Variants in LARGE1 observed in about 807,000 individuals in gnomAD.
LARGE1 encodes the protein xylosyl- and glucuronyltransferase LARGE1.
In LARGE1, 43 loss-of-function variants were observed where a neutral mutation model predicts 87.6. The observed-to-expected ratio is 0.49, with a 90% CI of 0.38 to 0.63. The LOEUF is 0.63. Ranked by LOEUF, LARGE1 falls within the 30% of genes least tolerant of loss-of-function variation. The pLI, the probability that LARGE1 is intolerant of heterozygous loss-of-function variation, is 0.00. For missense variants in LARGE1, 802 were observed against 1,000.2 expected, an observed-to-expected ratio of 0.80 and a Z score of 2.67; for synonymous variants, 434 against 394.6, an observed-to-expected ratio of 1.10 and a Z score of -1.18.
rs183212914 is a variant in LARGE1 at position 33,373,656 on chromosome 22, C to G, written c.1131+8263G>C. Among the ~76,000 whole-genome samples, 294 of 151,942 alleles carry G rather than the reference C, an allele frequency of 1.9e-3. 3 individuals are homozygous for G. The highest frequency in any genetic ancestry group is 3.4e-3 in the Non-Finnish European group (229 of 67,992). On this transcript the variant is annotated intron_variant, in intron 9 of 14. Transcript: ENST00000397394. ...TGTAACTGTTTTTTTTCCCCCAGTT[C>G]TAACTCTGCTATTATGGCTTGTCCA...
chr22:33,767,068 C>G (rs1296091582), intron 1 of LARGE1, among the ~76,000 whole-genome samples: 1 of 150,942 alleles, frequency 6.6e-6, no homozygotes, highest in Non-Finnish European at 1.5e-5. Context: ...AATCTCAGCA[C>G]TTTGGGAGGC....
At chr22:33,304,183 C>T in intron 12 of LARGE1, 46 bp downstream of exon 12, 1 of 1,608,134 alleles carries the variant, frequency 6.2e-7, no homozygotes, top group Non-Finnish European at 8.5e-7. Context: ...ACTGCATGGC[C>T]CTATGTGCCT....
At chr22:33,855,556 C>T (rs737726) in intron 1 of LARGE1, among the ~76,000 whole-genome samples, 22,312 of 152,096 alleles carry the variant, frequency 0.15, 1,760 homozygotes, top group South Asian at 0.3. Context: ...TGTTTCAGAA[C>T]CCAAATGCCA....
At chr22:33,609,322 C>G (rs1010883637) in intron 4 of LARGE1, among the ~76,000 whole-genome samples, 1 of 152,178 alleles carries the variant, frequency 6.6e-6, no homozygotes, top group Admixed American at 6.5e-5. Context: ...AGGGAGCCTT[C>G]CACATAAACC....
At chr22:33,494,459 A>C (rs1346932979) in intron 6 of LARGE1, among the ~76,000 whole-genome samples, 1 of 152,256 alleles carries the variant, frequency 6.6e-6, no homozygotes, top group East Asian at 1.9e-4. Context: ...TGTTTAACAC[A>C]GTTAGTGCTC....
At chr22:33,875,576 G>T (rs993882724) in intron 1 of LARGE1, among the ~76,000 whole-genome samples, 3 of 152,204 alleles carry the variant, frequency 2.0e-5, no homozygotes, top group Non-Finnish European at 2.9e-5. Context: ...AGCAGTGACT[G>T]GTGCTAAAAT....
intron 2 of LARGE1, among the ~76,000 whole-genome samples, chr22:33,671,617 A>G (rs2081415638): frequency 1.3e-5 from 2 of 152,194 alleles, no homozygotes. Context: ...TTGGCTATGA[A>G]GAGAAAGAGC....
chr22:33,466,104 C>T lies in LARGE1; in HGVS notation c.788-33839G>A, dbSNP rs140388501. 2.8e-3 allele frequency among the ~76,000 whole-genome samples: 429 copies of T among 152,276 alleles called. 2 individuals are homozygous for T. The highest frequency in any genetic ancestry group is 0.024 in the Middle Eastern group (7 of 294). ...ATAACACCACCTGTCACTCCCTATA[C>T]CCCGGCCATGTTGGACTTTCCACCC... On this transcript the variant is annotated intron_variant, in intron 6 of 14. Coordinates refer to ENST00000397394, the MANE Select transcript of LARGE1 (RefSeq NM_133642.5).
At chr22:33,525,883 G>A (rs1454384879) in intron 6 of LARGE1, among the ~76,000 whole-genome samples, 1 of 152,136 alleles carries the variant, frequency 6.6e-6, no homozygotes, top group African/African-American at 2.4e-5. Context: ...GCAATTCCTC[G>A]AAATGTTAAA....
intron 7 of LARGE1, among the ~76,000 whole-genome samples, chr22:33,401,037 G>T (rs2065910232): frequency 6.6e-6 from 1 of 152,144 alleles, no homozygotes; most frequent in Non-Finnish European, 1.5e-5. Context: ...CAGCTTGGAG[G>T]GTGGGAGGAA....
intron 1 of LARGE1, among the ~76,000 whole-genome samples, chr22:33,815,078 T>C (rs2086610295): frequency 6.6e-6 from 1 of 152,080 alleles, no homozygotes; most frequent in African/African-American, 2.4e-5. Flanking sequence ...AAGGAGGAGA[T>C]TTAATGATCT....
intron 2 of LARGE1, among the ~76,000 whole-genome samples, chr22:33,654,789 C>T (rs1433970146): frequency 6.6e-6 from 1 of 152,218 alleles, no homozygotes; most frequent in African/African-American, 2.4e-5. Context: ...ATTTCTCAAA[C>T]TACCAGTGGT....
chr22:33,563,470 A>G (rs548602569), intron 6 of LARGE1, among the ~76,000 whole-genome samples: 4 of 152,320 alleles, frequency 2.6e-5, no homozygotes, highest in Admixed American at 1.3e-4. Flanking sequence ...ACATCAGCAT[A>G]AGAAAATGAA....
At chr22:33,116,452 T>G in the LARGE1 span, among the ~76,000 whole-genome samples, 1 of 152,122 alleles carries the variant, frequency 6.6e-6, no homozygotes, top group East Asian at 1.9e-4. Context: ...CCTCCCGGGT[T>G]CACGCCATTC....
chr22:33,310,283 T>C (rs1935420958), intron 11 of LARGE1, among the ~76,000 whole-genome samples: 1 of 152,290 alleles, frequency 6.6e-6, no homozygotes, highest in South Asian at 2.1e-4. Context: ...AAGTGACCTG[T>C]CATCCCCATG....
chr22:33,808,760 T>C (rs567600132), intron 1 of LARGE1, among the ~76,000 whole-genome samples: 1 of 152,284 alleles, frequency 6.6e-6, no homozygotes, highest in South Asian at 2.1e-4. Flanking sequence ...CTTCGCATTT[T>C]CCCATGAACT....
At chr22:33,713,262 CA>C (rs898606940) in intron 2 of LARGE1, among the ~76,000 whole-genome samples, 1 of 151,690 alleles carries the variant, frequency 6.6e-6, no homozygotes, top group Non-Finnish European at 1.5e-5. Context: ...GAGTTGGTTT[CA>C]AAAAAAAGTC....
chr22:33,312,337 G>A (rs1935689769), intron 11 of LARGE1, among the ~76,000 whole-genome samples: 1 of 151,912 alleles, frequency 6.6e-6, no homozygotes, highest in South Asian at 2.1e-4. Context: ...GCTATTGGGA[G>A]GTTGAGGCGG....
chr22:33,399,886 T>C (rs376225833), intron 7 of LARGE1, among the ~76,000 whole-genome samples: 1 of 152,240 alleles, frequency 6.6e-6, no homozygotes, highest in South Asian at 2.1e-4. Flanking sequence ...TGGTGCTTTG[T>C]TACAGCAGTT....
Sources: gnomAD v4.1 joint callset for allele counts (sites outside exome capture counted in the v4.1 genomes callset) on GRCh38, gnomAD v4.1.1 for gene constraint, MANE v1.5 for transcripts, NCBI Gene and HGNC (gene_info 2026-07-23, HGNC 2026-07-21) for gene names.